Variants in ZC3H12B observed in about 807,000 individuals in gnomAD.
The protein encoded by ZC3H12B is probable ribonuclease ZC3H12B.
In ZC3H12B, 7 loss-of-function variants were observed where a neutral mutation model predicts 43.9. That is an observed-to-expected ratio of 0.16 (90% confidence interval 0.09 to 0.30). The LOEUF (loss-of-function observed/expected upper bound fraction) is 0.30. ZC3H12B is among the 10% of genes least tolerant of loss of function. The pLI is 1.00. For missense variants in ZC3H12B, 475 were observed against 670.2 expected, an observed-to-expected ratio of 0.71 and a Z score of 3.22; for synonymous variants, 222 against 241.7, an observed-to-expected ratio of 0.92 and a Z score of 0.76.
chrX:65,240,114 T>C, the ZC3H12B span, among the ~76,000 whole-genome samples: 1 of 111,644 alleles, frequency 9.0e-6, no homozygotes, highest in African/African-American at 3.3e-5. Flanking sequence ...ATTTGAATGT[T>C]GGCACCTCTT....
At chrX:65,145,982 A>T in the ZC3H12B span, among the ~76,000 whole-genome samples, 1 of 111,331 alleles carries the variant, frequency 9.0e-6, no homozygotes, top group East Asian at 2.8e-4. Context: ...TCTTGCAATG[A>T]ATTTCCCAGG....
the ZC3H12B span, among the ~76,000 whole-genome samples, chrX:65,236,899 A>T: frequency 1.8e-5 from 2 of 111,288 alleles, no homozygotes; most frequent in African/African-American, 6.5e-5. Flanking sequence ...ATCTTCCATT[A>T]GTCTATGTGT....
chrX:65,265,113 G>A, the ZC3H12B span, among the ~76,000 whole-genome samples: 1 of 111,874 alleles, frequency 8.9e-6, no homozygotes, highest in East Asian at 2.8e-4. Flanking sequence ...TCAGTGTCAA[G>A]TACTATTTTA....
chrX:65,058,203 C>G, the ZC3H12B span, among the ~76,000 whole-genome samples: 12 of 110,874 alleles, frequency 1.1e-4, no homozygotes, highest in Admixed American at 1.2e-3. Context: ...TTTTTCCCGT[C>G]TTTGTGGTTT....
chrX:65,238,619 CT>C, the ZC3H12B span, among the ~76,000 whole-genome samples: 1 of 111,221 alleles, frequency 9.0e-6, no homozygotes, highest in African/African-American at 3.3e-5. Flanking sequence ...TATGTTTTGT[CT>C]TCTGCTACCT....
the ZC3H12B span, among the ~76,000 whole-genome samples, chrX:65,310,552 G>A: frequency 2.7e-5 from 3 of 111,907 alleles, no homozygotes; most frequent in Admixed American, 9.5e-5. Flanking sequence ...AATCAGTATC[G>A]TGAAAATGGC....
chrX:65,402,818 C>A (rs2066779345), intron 3 of ZC3H12B, among the ~76,000 whole-genome samples: 1 of 112,334 alleles, frequency 8.9e-6, no homozygotes, highest in Admixed American at 9.4e-5. Context: ...ACACCCAAGT[C>A]CTTTTTAATT....
At chrX:65,252,192 A>T in the ZC3H12B span, among the ~76,000 whole-genome samples, 1 of 111,816 alleles carries the variant, frequency 8.9e-6, no homozygotes, top group Non-Finnish European at 1.9e-5. Context: ...TATTGAGATA[A>T]TCATGTGGTT....
At chrX:65,502,468 C>A in exon 5 of ZC3H12B, 1 of 1,210,750 alleles carries the variant, frequency 8.3e-7, no homozygotes, top group Non-Finnish European at 1.1e-6. Context: ...TGAGCCATAC[C>A]AGGAATGACA....
chrX:65,347,693 C>T, the ZC3H12B span, among the ~76,000 whole-genome samples: 1 of 112,194 alleles, frequency 8.9e-6, no homozygotes, highest in Non-Finnish European at 1.9e-5. Flanking sequence ...CCTCAAGGAT[C>T]TAGAACTAGA....
At chrX:65,379,582 C>T (rs1277374334) in intron 2 of ZC3H12B, among the ~76,000 whole-genome samples, 1 of 112,477 alleles carries the variant, frequency 8.9e-6, no homozygotes, top group Non-Finnish European at 1.9e-5. Context: ...AGTTCCTCAC[C>T]AGCAACGGAA....
chrX:65,292,892 G>A, the ZC3H12B span, among the ~76,000 whole-genome samples: 2 of 111,421 alleles, frequency 1.8e-5, no homozygotes, highest in African/African-American at 6.5e-5. Flanking sequence ...GCTGAGGTAG[G>A]AGGATCACTT....
At chrX:65,161,022 A>C in the ZC3H12B span, among the ~76,000 whole-genome samples, 3 of 110,743 alleles carry the variant, frequency 2.7e-5, no homozygotes, top group South Asian at 1.2e-3. Context: ...TTATGTACCC[A>C]GTAGTCATTC....
chrX:65,247,418 C>T, the ZC3H12B span, among the ~76,000 whole-genome samples: 29 of 112,241 alleles, frequency 2.6e-4, no homozygotes, highest in Admixed American at 1.7e-3. Context: ...AATCAGTCTG[C>T]TATAAAGACA....
the ZC3H12B span, among the ~76,000 whole-genome samples, chrX:65,129,818 TA>T: frequency 9.0e-6 from 1 of 110,583 alleles, no homozygotes; most frequent in Non-Finnish European, 1.9e-5. Context: ...TGAGTGGGAT[TA>T]GGGGCGGCAT....
At chrX:65,075,717 C>T in the ZC3H12B span, among the ~76,000 whole-genome samples, 1 of 111,692 alleles carries the variant, frequency 9.0e-6, no homozygotes. Flanking sequence ...TTCTCAGTAG[C>T]CTTCAACCTA....
the ZC3H12B span, among the ~76,000 whole-genome samples, chrX:65,308,946 C>A: frequency 8.9e-6 from 1 of 111,734 alleles, no homozygotes; most frequent in South Asian, 3.7e-4. Context: ...CCAATGAGAA[C>A]AAACATACAA....
chrX:65,424,079 G>A (rs1323946137), intron 3 of ZC3H12B, among the ~76,000 whole-genome samples: 1 of 111,456 alleles, frequency 9.0e-6, no homozygotes, highest in African/African-American at 3.3e-5. Context: ...TTATTGATTT[G>A]CATCTGTTGA....
intron 2 of ZC3H12B, among the ~76,000 whole-genome samples, chrX:65,373,419 C>T (rs2066275150): frequency 9.0e-6 from 1 of 111,465 alleles, no homozygotes; most frequent in Non-Finnish European, 1.9e-5. Flanking sequence ...ATAAATCATG[C>T]TGCTATAAAG....
Sources: gnomAD v4.1 joint callset for allele counts (sites outside exome capture counted in the v4.1 genomes callset) on GRCh38, gnomAD v4.1.1 for gene constraint, MANE v1.5 for transcripts, NCBI Gene and HGNC (gene_info 2026-07-23, HGNC 2026-07-21) for gene names.